DPT: variants seen among roughly 807,000 people sequenced by gnomAD.
DPT encodes tyrosine-rich acidic matrix protein.
In DPT, 21 loss-of-function variants were observed where a neutral mutation model predicts 31.2. The ratio of observed to expected loss-of-function variants is 0.67; its 90% confidence interval spans 0.48 to 0.97. The LOEUF (loss-of-function observed/expected upper bound fraction) is 0.97, where lower values mean the gene tolerates loss of function less well. Ranked by LOEUF, DPT falls within the 50% of genes least tolerant of loss-of-function variation. The probability of loss-of-function intolerance (pLI) is 0.00; values close to 1 mark genes in which losing one functional copy is unlikely to be tolerated. For synonymous variants in DPT, 91 were observed against 86.9 expected (o/e 1.05, Z -0.26); for missense variants, 262 against 258.8 (o/e 1.01, Z -0.08).
chr1:168,718,779 C>G (rs1416995124), intron 1 of DPT, among the ~76,000 whole-genome samples: 3 of 152,142 alleles, frequency 2.0e-5, no homozygotes, highest in African/African-American at 7.2e-5. Flanking sequence ...TAAGACAACG[C>G]ATGTAAAATT....
Position 168,696,298 on chromosome 1 carries a change from C to A in DPT, c.*251G>T. ...ACTGTATATGTGGTGTGCAAGGAAG[C>A]CATCATCAGTCATATAAAGCAGTTG... On this transcript the variant is annotated 3_prime_UTR_variant, in exon 4 of 4. Coordinates refer to ENST00000367817, the MANE Select transcript of DPT (RefSeq NM_001937.5). 1.8e-6 allele frequency: 1 copy of A among 563,042 alleles called. No homozygotes were observed. The highest frequency in any genetic ancestry group is 2.5e-5 in the South Asian group (1 of 39,364). 34.9% of individuals were successfully genotyped at this position (563,042 alleles called of 1,614,324 possible). A position where few individuals can be genotyped will look rare whatever the true frequency, so the allele number is the denominator to read the frequency against.
intron 2 of DPT, among the ~76,000 whole-genome samples, chr1:168,701,464 T>A (rs1572624311): frequency 6.6e-6 from 1 of 152,346 alleles, no homozygotes; most frequent in Non-Finnish European, 1.5e-5. Context: ...TGTTTTCAAA[T>A]TTTAGATTAT....
intron 3 of DPT, among the ~76,000 whole-genome samples, chr1:168,697,671 A>C (rs1210792575): frequency 1.3e-5 from 2 of 152,244 alleles, no homozygotes; most frequent in Non-Finnish European, 2.9e-5. Context: ...ACTGTTGAAC[A>C]GTGATAATGA....
intron 1 of DPT, among the ~76,000 whole-genome samples, chr1:168,725,052 C>G (rs901403906): frequency 6.6e-6 from 1 of 152,212 alleles, no homozygotes; most frequent in African/African-American, 2.4e-5. Context: ...ATTCACTAAA[C>G]TTTTACTACC....
chr1:168,713,878 C>T (rs1188206400), intron 2 of DPT, among the ~76,000 whole-genome samples: 1 of 152,038 alleles, frequency 6.6e-6, no homozygotes, highest in Non-Finnish European at 1.5e-5. Flanking sequence ...TGAGAAGTTA[C>T]CAGAAGTTGG....
At chr1:168,716,936 GC>G (rs1289525462) in intron 1 of DPT, among the ~76,000 whole-genome samples, 4 of 152,090 alleles carry the variant, frequency 2.6e-5, no homozygotes, top group African/African-American at 9.7e-5. Flanking sequence ...TACCACATTT[GC>G]TTTATCCAGT....
intron 2 of DPT, among the ~76,000 whole-genome samples, chr1:168,703,853 C>T (rs566654866): frequency 6.6e-6 from 1 of 152,256 alleles, no homozygotes; most frequent in East Asian, 1.9e-4. Context: ...TCAATGTGGC[C>T]CAGGATGCTG....
chr1:168,715,157 C>A (rs1432979818), intron 1 of DPT, among the ~76,000 whole-genome samples: 1 of 152,224 alleles, frequency 6.6e-6, no homozygotes, highest in Admixed American at 6.5e-5. Context: ...AACCGCTCCA[C>A]TCCAGTCCAC....
chr1:168,714,105 C>T (rs1649926520), intron 2 of DPT, 116 bp downstream of exon 2: 1 of 1,379,714 alleles, frequency 7.2e-7, no homozygotes, highest in Non-Finnish European at 9.9e-7. Flanking sequence ...TGTCTATATG[C>T]CAGCGCTGCC....
Position 168,729,206 on chromosome 1 carries a change from C to G in DPT, c.-32G>C. The G allele has an allele frequency of 5.6e-6, 9 of 1,595,084 alleles. No homozygotes were observed. Among genetic ancestry groups the G allele is most frequent in the South Asian group, 5.6e-5 (5 of 88,618 alleles). ...TGGGATTTTGGCAAACAATGTCACT[C>G]TAAGATTGCTGGTCTGACCGTTTTA... On this transcript the variant is annotated 5_prime_UTR_variant, in exon 1 of 4. Coordinates refer to ENST00000367817, the MANE Select transcript of DPT (RefSeq NM_001937.5).
intron 3 of DPT, among the ~76,000 whole-genome samples, chr1:168,697,714 C>T (rs558828583): frequency 2.0e-4 from 31 of 152,312 alleles, no homozygotes; most frequent in African/African-American, 7.5e-4. Context: ...TGGCATTGCA[C>T]CAGATGCTTT....
chr1:168,717,457 C>A (rs1296001428), intron 1 of DPT, among the ~76,000 whole-genome samples: 1 of 152,030 alleles, frequency 6.6e-6, no homozygotes, highest in Non-Finnish European at 1.5e-5. Flanking sequence ...GGATGTTAGA[C>A]CTTTGTCAGA....
At chr1:168,724,883 A>C (rs1315194829) in intron 1 of DPT, among the ~76,000 whole-genome samples, 1 of 152,158 alleles carries the variant, frequency 6.6e-6, no homozygotes, top group Non-Finnish European at 1.5e-5. Flanking sequence ...CATTGAATTC[A>C]TAAACTCAGC....
rs1227337658 is a variant in DPT at position 168,701,176 on chromosome 1, G to A, written c.432-52C>T. 5 of 1,363,534 alleles carry A rather than the reference G, an allele frequency of 3.7e-6. No individual in the cohort carries two copies. In the African/African-American group the frequency reaches 7.2e-5, roughly 20 times the overall value. 84.5% of individuals were successfully genotyped at this position (1,363,534 alleles called of 1,614,324 possible). On this transcript the variant is annotated intron_variant, in intron 2 of 3. Coordinates refer to ENST00000367817, the MANE Select transcript of DPT (RefSeq NM_001937.5). ...GAAAATGAAACACATTATTATTGCTGGGAGCAAACAGAAGACACACTATGA... is the reference window on the plus strand; with the variant it reads ...GAAAATGAAACACATTATTATTGCTAGGAGCAAACAGAAGACACACTATGA...
intron 2 of DPT, among the ~76,000 whole-genome samples, chr1:168,701,341 T>G (rs1162851446): frequency 2.6e-5 from 4 of 152,062 alleles, no homozygotes; most frequent in African/African-American, 9.7e-5. Flanking sequence ...AACTGTGCAC[T>G]GAAAAAGATG....
At chr1:168,722,074 T>C (rs530431605) in intron 1 of DPT, among the ~76,000 whole-genome samples, 122 of 152,292 alleles carry the variant, frequency 8.0e-4, no homozygotes, top group African/African-American at 2.9e-3. Flanking sequence ...AGGCTTCCCC[T>C]AAGGCCTCTG....
At chr1:168,715,434 C>A (rs1229732999) in intron 1 of DPT, among the ~76,000 whole-genome samples, 2 of 151,820 alleles carry the variant, frequency 1.3e-5, no homozygotes, top group Non-Finnish European at 2.9e-5. Context: ...CCACCACCCA[C>A]AAGACCATAA....
chr1:168,719,656 C>T (rs1337290890), intron 1 of DPT, among the ~76,000 whole-genome samples: 1 of 152,006 alleles, frequency 6.6e-6, no homozygotes, highest in Admixed American at 6.6e-5. Context: ...GAGTTCCTAA[C>T]AGTCACCAAT....
At position 168,699,598 on chromosome 1, in the gene DPT, T is replaced by TAA. The variant is rs1553201670; in HGVS notation, c.539+1418_539+1419insTT. ...AGCTACTTAATGTCTTTTTTTTTTTTTAAAAAAAAAAAGAAATTCTAGGTC... is the reference window on the plus strand; with the variant it reads ...AGCTACTTAATGTCTTTTTTTTTTTTAATAAAAAAAAAAAGAAATTCTAGGTC... On this transcript the variant is annotated intron_variant, in intron 3 of 3. Transcript: ENST00000367817. 2.1e-3 allele frequency among the ~76,000 whole-genome samples: 305 copies of TAA among 148,292 alleles called. 1 individual carries two copies. The highest frequency in any genetic ancestry group is 7.4e-3 in the African/African-American group (297 of 40,270).
Sources: gnomAD v4.1 joint callset for allele counts (sites outside exome capture counted in the v4.1 genomes callset) on GRCh38, gnomAD v4.1.1 for gene constraint, MANE v1.5 for transcripts, NCBI Gene and HGNC (gene_info 2026-07-23, HGNC 2026-07-21) for gene names.